The following ITPR1 variants were observed in gnomAD, a reference collection of about 807,000 sequenced individuals.
The protein encoded by ITPR1 is inositol 1,4,5-trisphosphate receptor type 1.
Under a neutral mutation model 318.4 loss-of-function variants are expected in ITPR1, and 96 were observed. That is an observed-to-expected ratio of 0.30 (90% CI 0.26 to 0.36). ITPR1 has a LOEUF of 0.36. Ranked by LOEUF, ITPR1 falls within the 10% of genes least tolerant of loss-of-function variation. ITPR1 has a pLI of 1.00. For synonymous variants in ITPR1, 1,312 were observed against 1,289.9 expected (o/e 1.02, Z -0.37); for missense variants, 2,440 against 3,460.2 (o/e 0.71, Z 7.40).
intron 4 of ITPR1, among the ~76,000 whole-genome samples, chr3:4,536,849 A>C (rs763249837): frequency 8.5e-5 from 13 of 152,234 alleles, no homozygotes; most frequent in Non-Finnish European, 1.0e-4. Context: ...TATTTAGCAA[A>C]TACCATTGAA....
At chr3:4,770,648 T>C (rs756346196) in intron 46 of ITPR1, among the ~76,000 whole-genome samples, 16 of 152,200 alleles carry the variant, frequency 1.1e-4, no homozygotes, top group Non-Finnish European at 1.6e-4. Context: ...CCTGTCGCCA[T>C]CTGAGTGTGG....
chr3:4,710,299 T>C lies in ITPR1; in HGVS notation c.4843-26T>C. On this transcript the variant is annotated intron_variant, in intron 37 of 61. Coordinates refer to ENST00000649015, the MANE Select transcript of ITPR1 (RefSeq NM_001378452.1). The surrounding 1 kb of genome is among the most constrained non-coding windows in gnomAD (Gnocchi z 4.2). ...TGTGGTCAGCGTCTGCCTGAGCCGT[T>C]GACTGAGGCTGTGTTTCCGTTTTAG... 1 of 1,520,640 alleles carries C rather than the reference T, an allele frequency of 6.6e-7. No individual in the cohort carries two copies. The highest frequency in any genetic ancestry group is 8.9e-7 in the Non-Finnish European group (1 of 1,125,826). The allele number at this position is 1,520,640 out of a possible 1,614,324, so 94.2% of individuals were successfully genotyped here. A position where few individuals can be genotyped will look rare whatever the true frequency, so the allele number is the denominator to read the frequency against.
intron 4 of ITPR1, among the ~76,000 whole-genome samples, chr3:4,565,182 C>T (rs35218301): frequency 6.6e-6 from 1 of 152,150 alleles, no homozygotes; most frequent in Admixed American, 6.5e-5. Flanking sequence ...GTTCTGTGAG[C>T]AGCCTCACTT....
At chr3:4,838,459 C>A (rs1270006258) in intron 61 of ITPR1, among the ~76,000 whole-genome samples, 1 of 151,892 alleles carries the variant, frequency 6.6e-6, no homozygotes, top group African/African-American at 2.4e-5. Flanking sequence ...CTTTACACAT[C>A]CAGCAAGCTT....
Position 4,629,213 on chromosome 3 carries a change from A to T in ITPR1, c.279+1335A>T, listed in dbSNP as rs565790371. On this transcript the variant is annotated intron_variant, in intron 5 of 61. Transcript: ENST00000649015. ...TTTATTTTATTTTATTTTATTTTAT[A>T]TTTTATTTTATTTTTTGAGCACCTC... Among the ~76,000 whole-genome samples the T allele has an allele frequency of 7.2e-5, 11 of 151,882 alleles. No homozygotes were observed. The South Asian group carries it at 2.1e-3, about 29-fold the overall frequency.
chr3:4,775,672 T>A lies in ITPR1; in HGVS notation c.6180+230T>A, dbSNP rs960207925. Among the ~76,000 whole-genome samples, 5 of 152,288 alleles carry A rather than the reference T, an allele frequency of 3.3e-5. No individual in the cohort carries two copies. The South Asian group carries it at 1.0e-3, about 32-fold the overall frequency. ...TCCATGGTCTCTTTCCTTGGCTAGG[T>A]TTGGCTTCATTTGATTTGGTTTGAA... On this transcript the variant is annotated intron_variant, in intron 47 of 61. Coordinates refer to ENST00000649015, the MANE Select transcript of ITPR1 (RefSeq NM_001378452.1).
intron 4 of ITPR1, among the ~76,000 whole-genome samples, chr3:4,555,418 A>G (rs1460143083): frequency 6.6e-6 from 1 of 152,200 alleles, no homozygotes; most frequent in Non-Finnish European, 1.5e-5. Context: ...GTATATTAAA[A>G]CATACATTTT....
chr3:4,661,969 A>G, intron 14 of ITPR1, 113 bp from the exon 15 acceptor site: 1 of 852,918 alleles, frequency 1.2e-6, no homozygotes, highest in Non-Finnish European at 1.8e-6. Context: ...TTTTAACTGC[A>G]AGATAGCTCT....
chr3:4,725,373 G>A (rs62231604), intron 40 of ITPR1, among the ~76,000 whole-genome samples, 173 bp from the exon 41 acceptor site: 110 of 151,992 alleles, frequency 7.2e-4, no homozygotes, highest in Admixed American at 2.0e-3. Flanking sequence ...TTGATTTGAA[G>A]GTATCTGGTC....
chr3:4,655,616 A>G (rs1199969477), intron 12 of ITPR1, among the ~76,000 whole-genome samples: 1 of 152,130 alleles, frequency 6.6e-6, no homozygotes, highest in East Asian at 1.9e-4. Context: ...GGGTTTTAGG[A>G]TCTTCCTGGT....
intron 4 of ITPR1, among the ~76,000 whole-genome samples, chr3:4,524,971 C>T (rs968791732): frequency 3.3e-5 from 5 of 152,140 alleles, no homozygotes; most frequent in Admixed American, 6.5e-5. Context: ...GGAGTCTGAC[C>T]CTTAGTTAAG....
chr3:4,524,459 A>T (rs1001517044), intron 4 of ITPR1, among the ~76,000 whole-genome samples: 4 of 152,134 alleles, frequency 2.6e-5, no homozygotes, highest in African/African-American at 9.7e-5. Context: ...AGGCATTTCT[A>T]GTCCATTTCC....
chr3:4,674,842 T>A (rs2125217020), intron 22 of ITPR1, among the ~76,000 whole-genome samples: 1 of 152,106 alleles, frequency 6.6e-6, no homozygotes, highest in Non-Finnish European at 1.5e-5. Context: ...GAGGTCTTTT[T>A]TTTTTTTTGA....
chr3:4,836,937 TAAAG>T lies in ITPR1; in HGVS notation c.8190+10_8190+13del. 6.4e-7 allele frequency: 1 copy of T among 1,571,864 alleles called. No individual in the cohort carries two copies. Among genetic ancestry groups the T allele is most frequent in the South Asian group, 1.2e-5 (1 of 86,934 alleles). On this transcript the variant is annotated splice_donor_5th_base_variant and intron_variant, in intron 61 of 61. Transcript: ENST00000649015. ...CAGCTGTCGGAATTAAAGGATCAGG[TAAAG>T]AAAGAAAATCCCAGCGCCTACCCTC...
intron 4 of ITPR1, among the ~76,000 whole-genome samples, chr3:4,622,088 C>G (rs562602782): frequency 2.8e-4 from 41 of 145,028 alleles, no homozygotes; most frequent in Non-Finnish European, 5.4e-4. Context: ...AGCATCCAGT[C>G]TTGTACCAGC....
chr3:4,743,691 A>G (rs1278966472), intron 44 of ITPR1, among the ~76,000 whole-genome samples: 1 of 152,160 alleles, frequency 6.6e-6, no homozygotes, highest in Non-Finnish European at 1.5e-5. Context: ...GTGGACAGTT[A>G]CATACATCTG....
intron 55 of ITPR1, among the ~76,000 whole-genome samples, chr3:4,808,861 C>T (rs949743329): frequency 8.5e-5 from 13 of 152,126 alleles, no homozygotes; most frequent in Non-Finnish European, 1.3e-4. Flanking sequence ...ACTGCTGCCC[C>T]CCCTCCCCCA....
intron 6 of ITPR1, among the ~76,000 whole-genome samples, chr3:4,641,387 T>C (rs1177356421): frequency 6.6e-6 from 1 of 152,248 alleles, no homozygotes; most frequent in East Asian, 1.9e-4. Flanking sequence ...TTTTATTTAA[T>C]TTTTTGAGAG....
intron 4 of ITPR1, among the ~76,000 whole-genome samples, chr3:4,537,766 G>A (rs565569662): frequency 2.0e-5 from 3 of 152,216 alleles, no homozygotes; most frequent in Admixed American, 6.5e-5. Flanking sequence ...CAGCCCTGCT[G>A]ATACCTTGAT....
Sources: gnomAD v4.1 joint callset for allele counts (sites outside exome capture counted in the v4.1 genomes callset) on GRCh38, gnomAD v4.1.1 for gene constraint, Gnocchi (gnomAD v3.1) non-coding constraint, MANE v1.5 for transcripts, NCBI Gene and HGNC (gene_info 2026-07-23, HGNC 2026-07-21) for gene names.